The following NELL2 variants were observed in gnomAD, a reference collection of about 807,000 sequenced individuals.
The protein encoded by NELL2 is neural EGFL like 2, also known as protein kinase C-binding protein NELL2.
Under a neutral mutation model 109.6 loss-of-function variants are expected in NELL2, and 41 were observed. The observed-to-expected ratio is 0.37, with a 90% CI of 0.29 to 0.49. NELL2 has a LOEUF of 0.49. NELL2 is among the 20% of genes least tolerant of loss of function. The pLI, the probability that NELL2 is intolerant of heterozygous loss-of-function variation, is 0.98. For synonymous variants in NELL2, 355 were observed against 344.7 expected (o/e 1.03, Z -0.33); for missense variants, 900 against 1,008.3 (o/e 0.89, Z 1.45).
In NELL2 at chr12:44,560,639, G is replaced by A. The variant is rs575427523; in HGVS notation, c.1664-27918C>T. Among the ~76,000 whole-genome samples, 11 of 152,178 alleles carry A rather than the reference G, an allele frequency of 7.2e-5. No homozygotes were observed. The South Asian group carries it at 8.3e-4, about 11-fold the overall frequency. On this transcript the variant is annotated intron_variant, in intron 15 of 19. Transcript: ENST00000429094. Reference sequence around the variant, plus strand: ...CCCAAGGCTAAACCAGGAAGAAGTCGAATCCCTGAAAAGACCAATAACAAG... The same window carrying A: ...CCCAAGGCTAAACCAGGAAGAAGTCAAATCCCTGAAAAGACCAATAACAAG...
Position 44,866,204 on chromosome 12 carries a change from A to G in NELL2, c.184+9021T>C, listed in dbSNP as rs1305249732. 2.6e-5 allele frequency among the ~76,000 whole-genome samples: 4 copies of G among 152,350 alleles called. No homozygotes were observed. The East Asian group carries it at 5.8e-4, about 22-fold the overall frequency. On this transcript the variant is annotated intron_variant, in intron 2 of 19. Coordinates refer to ENST00000429094, the MANE Select transcript of NELL2 (RefSeq NM_001145108.2). ...CTTGATCTTGGACTTCTTAGCCTCC[A>G]GAATTGTGAGAAATAAAAAAATTAC...
intron 2 of NELL2, among the ~76,000 whole-genome samples, chr12:44,825,391 C>T (rs1337990285): frequency 6.0e-5 from 5 of 83,618 alleles, no homozygotes; most frequent in African/African-American, 1.5e-4. Context: ...TATTCATTTC[C>T]TTTTTTTTTT....
At chr12:44,640,625 T>C (rs775725557) in intron 13 of NELL2, among the ~76,000 whole-genome samples, 1 of 152,194 alleles carries the variant, frequency 6.6e-6, no homozygotes, top group Non-Finnish European at 1.5e-5. Flanking sequence ...CATGGTTGCA[T>C]AGCAACAAGG....
At chr12:44,744,715 A>C (rs558303883) in intron 9 of NELL2, among the ~76,000 whole-genome samples, 1 of 152,222 alleles carries the variant, frequency 6.6e-6, no homozygotes, top group African/African-American at 2.4e-5. Flanking sequence ...GAAATGGATA[A>C]ATTCCTCGAC....
Position 44,520,212 on chromosome 12 carries a change from A to G in NELL2, c.2193T>C (p.Cys731=), listed in dbSNP as rs1045958137. 4 of 1,611,742 alleles carry G rather than the reference A, an allele frequency of 2.5e-6. No homozygotes were observed. In the African/African-American group the frequency reaches 4.0e-5, roughly 16 times the overall value. ...QCRCLQGEVD[C]WPLPCPDVEC... is the part of the protein sequence containing the mutation. ...CCACATCTGGGCAAGGCAGGGGCCA[A>G]CAATCAACTTCCCCTTGCTACAAGG... Residue 731 remains cysteine, a synonymous_variant, in exon 19 of 20, where the codon TGT becomes TGC. Transcript: ENST00000429094.
chr12:44,894,567 A>G (rs1945572230), intron 1 of NELL2, among the ~76,000 whole-genome samples: 13 of 152,156 alleles, frequency 8.5e-5, no homozygotes, highest in Admixed American at 8.5e-4. Flanking sequence ...TGAATCCACT[A>G]TTCTCATGCA....
intron 2 of NELL2, among the ~76,000 whole-genome samples, chr12:44,816,893 T>C (rs1014611370): frequency 2.0e-5 from 3 of 152,224 alleles, no homozygotes; most frequent in African/African-American, 7.2e-5. Context: ...CAGATAAGGA[T>C]AGAAATGCAC....
At chr12:44,743,800 C>T (rs549878822) in intron 9 of NELL2, among the ~76,000 whole-genome samples, 102 of 152,270 alleles carry the variant, frequency 6.7e-4, no homozygotes, top group African/African-American at 2.4e-3. Context: ...ATTCATAAAG[C>T]AAATCCTTAA....
chr12:44,659,287 C>G (rs904736732), intron 13 of NELL2, among the ~76,000 whole-genome samples: 1 of 152,134 alleles, frequency 6.6e-6, no homozygotes, highest in African/African-American at 2.4e-5. Flanking sequence ...TAGGCATGGG[C>G]AAAGACTTCA....
At chr12:44,784,921 C>T (rs545378082) in intron 3 of NELL2, among the ~76,000 whole-genome samples, 6 of 152,214 alleles carry the variant, frequency 3.9e-5, no homozygotes, top group Non-Finnish European at 7.4e-5. Context: ...CCATAGCCAA[C>T]ATCATATTGA....
chr12:44,755,265 T>C lies in NELL2; in HGVS notation c.994+19482A>G, dbSNP rs565557887. ...TCATATATACCATGAAATACACATC[T>C]GTACTTCAGAGTCAGAAGGTACAGT... On this transcript the variant is annotated intron_variant, in intron 9 of 19. Transcript: ENST00000429094. Among the ~76,000 whole-genome samples the C allele has an allele frequency of 7.9e-5, 12 of 152,344 alleles. No homozygotes were observed. In the East Asian group the frequency reaches 2.3e-3, roughly 29 times the overall value.
chr12:44,916,553 T>G (rs1945830413), upstream of NELL2, among the ~76,000 whole-genome samples: 1 of 152,158 alleles, frequency 6.6e-6, no homozygotes, highest in African/African-American at 2.4e-5. Flanking sequence ...TCCTTTCTAA[T>G]AAAATCTCTA....
intron 14 of NELL2, 54 bp downstream of exon 14, chr12:44,610,794 G>C: frequency 6.2e-7 from 1 of 1,609,346 alleles, no homozygotes; most frequent in Non-Finnish European, 8.5e-7. Context: ...GAGGAAGGTA[G>C]AGATGGATGG....
intron 15 of NELL2, among the ~76,000 whole-genome samples, chr12:44,547,647 A>G (rs1229003667): frequency 6.6e-6 from 1 of 152,192 alleles, no homozygotes; most frequent in Non-Finnish European, 1.5e-5. Flanking sequence ...GATGAATAAA[A>G]CCAGAATGAA....
At chr12:44,511,461 C>T (rs1011015038) in intron 19 of NELL2, among the ~76,000 whole-genome samples, 1 of 152,172 alleles carries the variant, frequency 6.6e-6, no homozygotes, top group Non-Finnish European at 1.5e-5. Flanking sequence ...AGGGCACTCC[C>T]CAGTCTGTGC....
At chr12:44,538,493 G>A (rs1158498343) in intron 15 of NELL2, among the ~76,000 whole-genome samples, 3 of 152,076 alleles carry the variant, frequency 2.0e-5, no homozygotes, top group Admixed American at 1.3e-4. Flanking sequence ...TTTGTAAGAC[G>A]GATTTAGGTG....
intron 9 of NELL2, among the ~76,000 whole-genome samples, chr12:44,747,212 C>T (rs1388168032): frequency 6.6e-6 from 1 of 152,008 alleles, no homozygotes; most frequent in Admixed American, 6.6e-5. Flanking sequence ...AAAAACCAAA[C>T]ACCACATGTT....
intron 16 of NELL2, among the ~76,000 whole-genome samples, chr12:44,528,150 C>T (rs1427137467): frequency 7.3e-6 from 1 of 136,906 alleles, no homozygotes; most frequent in Non-Finnish European, 1.5e-5. Flanking sequence ...GCATGTTGTA[C>T]TCTGACAGAG....
chr12:44,527,927 T>C (rs1444282532), intron 16 of NELL2, among the ~76,000 whole-genome samples: 3 of 151,492 alleles, frequency 2.0e-5, no homozygotes, highest in Non-Finnish European at 2.9e-5. Flanking sequence ...ACCCCGTCTC[T>C]ACTAAAAATA....
Sources: allele counts gnomAD v4.1 joint callset (sites outside exome capture counted in the v4.1 genomes callset), GRCh38; gene constraint gnomAD v4.1.1; transcripts MANE v1.5; gene names NCBI Gene and HGNC (gene_info 2026-07-23, HGNC 2026-07-21).